The following ADAMTSL1 variants were observed in gnomAD, a reference collection of about 807,000 sequenced individuals.
ADAMTSL1 encodes the protein ADAMTS like 1.
ADAMTSL1 carries 126 observed loss-of-function variants against 201.8 expected under a neutral mutation model. The ratio of observed to expected loss-of-function variants is 0.62; its 90% CI spans 0.54 to 0.72. The LOEUF (loss-of-function observed/expected upper bound fraction) is 0.72. Among genes scored for constraint, ADAMTSL1 ranks in the 30% least tolerant of loss-of-function variants. ADAMTSL1 has a pLI of 0.00. For missense variants in ADAMTSL1, 2,679 were observed against 2,277.8 expected (o/e 1.18, Z -3.59); for synonymous variants, 1,121 against 903.4 (o/e 1.24, Z -4.32).
chr9:18,549,670 C>T (rs1820680688), intron 3 of ADAMTSL1, among the ~76,000 whole-genome samples: 2 of 151,908 alleles, frequency 1.3e-5, no homozygotes, highest in South Asian at 2.1e-4. Flanking sequence ...TAGACATGAC[C>T]ACATATGTTG....
intron 1 of ADAMTSL1, among the ~76,000 whole-genome samples, chr9:18,013,945 A>T (rs949262246): frequency 3.9e-5 from 6 of 152,038 alleles, no homozygotes; most frequent in Non-Finnish European, 8.8e-5. Flanking sequence ...TAACTATGGT[A>T]AAAGAGAACC....
chr9:18,138,500 A>T (rs1004029958), intron 1 of ADAMTSL1, among the ~76,000 whole-genome samples: 2 of 152,168 alleles, frequency 1.3e-5, no homozygotes, highest in African/African-American at 4.8e-5. Context: ...ATTTGAATTT[A>T]TACTCCAGCT....
At chr9:18,531,294 A>G (rs1249014454) in intron 2 of ADAMTSL1, among the ~76,000 whole-genome samples, 1 of 152,178 alleles carries the variant, frequency 6.6e-6, no homozygotes, top group Non-Finnish European at 1.5e-5. Context: ...TGACACCGTA[A>G]TGAGGGGTGG....
chr9:18,095,834 T>C (rs1256843058), intron 1 of ADAMTSL1, among the ~76,000 whole-genome samples: 2 of 152,184 alleles, frequency 1.3e-5, no homozygotes, highest in Non-Finnish European at 2.9e-5. Context: ...TTTCTTTTAG[T>C]GGGAAATGGT....
chr9:18,057,487 A>C (rs1304743224), intron 1 of ADAMTSL1, among the ~76,000 whole-genome samples: 1 of 152,210 alleles, frequency 6.6e-6, no homozygotes, highest in Non-Finnish European at 1.5e-5. Context: ...AGTTGGCAAC[A>C]GGGGGACTTG....
intron 1 of ADAMTSL1, among the ~76,000 whole-genome samples, chr9:18,005,741 C>G (rs750012411): frequency 2.0e-5 from 3 of 151,998 alleles, no homozygotes; most frequent in Non-Finnish European, 4.4e-5. Context: ...GTGCTAGAGG[C>G]AGAACAGTCT....
chr9:18,526,647 C>G (rs1374091350), intron 2 of ADAMTSL1, among the ~76,000 whole-genome samples: 1 of 152,292 alleles, frequency 6.6e-6, no homozygotes, highest in African/African-American at 2.4e-5. Flanking sequence ...GTAACAAAAT[C>G]TCTCAGCATT....
At chr9:18,341,522 TAA>T (rs1835462882) in intron 2 of ADAMTSL1, among the ~76,000 whole-genome samples, 1 of 152,176 alleles carries the variant, frequency 6.6e-6, no homozygotes, top group Non-Finnish European at 1.5e-5. Context: ...TCCTCCAGAA[TAA>T]ATGTCCTCCA....
At position 18,631,514 on chromosome 9, in the gene ADAMTSL1, G is replaced by A. The variant is rs1293289484; in HGVS notation, c.602-4429G>A. Among the ~76,000 whole-genome samples, 3 of 152,104 alleles carry A rather than the reference G, an allele frequency of 2.0e-5. No individual in the cohort carries two copies. The East Asian group carries it at 5.8e-4, about 29-fold the overall frequency. On this transcript the variant is annotated intron_variant, in intron 5 of 28. Coordinates refer to ENST00000380548, the MANE Select transcript of ADAMTSL1 (RefSeq NM_001040272.6). ...ATTTTTAAAAATAAAATAAAATAAAGTGTCAGCTCCATAGGCATAGAGGGA... is the reference window on the plus strand; with the variant it reads ...ATTTTTAAAAATAAAATAAAATAAAATGTCAGCTCCATAGGCATAGAGGGA...
At chr9:18,652,951 T>C (rs1394673641) in intron 7 of ADAMTSL1, among the ~76,000 whole-genome samples, 1 of 152,186 alleles carries the variant, frequency 6.6e-6, no homozygotes, top group Non-Finnish European at 1.5e-5. Context: ...CCATGTGTTC[T>C]TGAGAGGAAA....
intron 2 of ADAMTSL1, among the ~76,000 whole-genome samples, chr9:18,220,992 C>G (rs768375096): frequency 2.4e-4 from 36 of 152,054 alleles, no homozygotes; most frequent in Non-Finnish European, 3.4e-4. Flanking sequence ...CCAGGCTGGT[C>G]TCAAACTCAT....
chr9:18,626,875 CTTCCTT>C (rs1826407907), intron 5 of ADAMTSL1, among the ~76,000 whole-genome samples: 1 of 79,044 alleles, frequency 1.3e-5, no homozygotes, highest in African/African-American at 6.8e-5. Context: ...TTCTGTCTTT[CTTCCTT>C]CCTTCCTTCC....
chr9:18,550,188 A>T (rs1201328405), intron 3 of ADAMTSL1, among the ~76,000 whole-genome samples: 1 of 152,028 alleles, frequency 6.6e-6, no homozygotes, highest in Non-Finnish European at 1.5e-5. Flanking sequence ...CTCCAAAGAT[A>T]TCTATGTCCT....
chr9:18,813,993 T>G (rs929245085), intron 20 of ADAMTSL1, among the ~76,000 whole-genome samples: 1 of 152,196 alleles, frequency 6.6e-6, no homozygotes, highest in Non-Finnish European at 1.5e-5. Flanking sequence ...TCAACCTAAT[T>G]TGTTATGAGT....
At chr9:18,385,804 G>T (rs1417954458) in intron 2 of ADAMTSL1, among the ~76,000 whole-genome samples, 1 of 152,168 alleles carries the variant, frequency 6.6e-6, no homozygotes, top group Non-Finnish European at 1.5e-5. Flanking sequence ...TTCACTTCAT[G>T]CTTGTCACAT....
Position 18,777,860 on chromosome 9 carries a change from A to G in ADAMTSL1, c.3631A>G (p.Thr1211Ala). 2 of 1,579,302 alleles carry G rather than the reference A, an allele frequency of 1.3e-6. No homozygotes were observed. The highest frequency in any genetic ancestry group is 1.8e-5 in the Admixed American group (1 of 56,992). ...TGAGGCCATCGGCCACCCAAGGCCT[A>G]CCATCAGCTGGGCCAGGAATGGAGA... is the stretch of plus-strand genomic sequence containing the variant. ...HCEAIGHPRP[T>A]ISWARNGEEV... The change falls in exon 19 of 29, where the codon ACC (threonine) becomes GCC (alanine). Residue 1211 changes from threonine (T) to alanine (A), a missense_variant. Coordinates refer to ENST00000380548, the MANE Select transcript of ADAMTSL1 (RefSeq NM_001040272.6).
At chr9:18,080,883 C>T (rs1182350313) in intron 1 of ADAMTSL1, among the ~76,000 whole-genome samples, 1 of 152,124 alleles carries the variant, frequency 6.6e-6, no homozygotes, top group Non-Finnish European at 1.5e-5. Context: ...GAAAAAGCCT[C>T]TCATTATTTT....
At chr9:18,900,699 C>T (rs1431276622) in intron 26 of ADAMTSL1, among the ~76,000 whole-genome samples, 1 of 145,302 alleles carries the variant, frequency 6.9e-6, no homozygotes, top group Non-Finnish European at 1.5e-5. Flanking sequence ...CGTATATTTC[C>T]ACTTATAAGT....
At chr9:18,707,198 A>T in intron 14 of ADAMTSL1, 150 bp downstream of exon 14, 1 of 1,033,724 alleles carries the variant, frequency 9.7e-7, no homozygotes, top group South Asian at 1.7e-5. Flanking sequence ...AAGCACACTG[A>T]ATCAAACACA....
Sources: allele counts gnomAD v4.1 joint callset (sites outside exome capture counted in the v4.1 genomes callset), GRCh38; gene constraint gnomAD v4.1.1; transcripts MANE v1.5; gene names NCBI Gene and HGNC (gene_info 2026-07-23, HGNC 2026-07-21).